Variants in SEC24B observed in about 807,000 individuals in gnomAD.
SEC24B encodes SEC24 homolog B, COPII component.
A neutral mutation model predicts 142.8 loss-of-function variants in SEC24B; 45 were observed. The observed-to-expected ratio is 0.32, with a 90% CI of 0.25 to 0.40. SEC24B has a LOEUF of 0.40. SEC24B is among the 10% of genes least tolerant of loss of function. The probability of loss-of-function intolerance (pLI) is 1.00; values close to 1 mark genes in which losing one functional copy is unlikely to be tolerated. For synonymous variants in SEC24B, 574 were observed against 568.2 expected, an observed-to-expected ratio of 1.01 and a Z score of -0.15; for missense variants, 1,409 against 1,526.8, an observed-to-expected ratio of 0.92 and a Z score of 1.29.
intron 7 of SEC24B, among the ~76,000 whole-genome samples, chr4:109,507,278 C>CTTT (rs34809833): frequency 7.2e-6 from 1 of 139,392 alleles, no homozygotes; most frequent in Admixed American, 7.2e-5. Flanking sequence ...CATTGTCTTC[C>CTTT]TTTTTTTTTT....
chr4:109,482,180 G>T (rs1310777608), intron 4 of SEC24B, among the ~76,000 whole-genome samples: 1 of 152,186 alleles, frequency 6.6e-6, no homozygotes, highest in Non-Finnish European at 1.5e-5. Flanking sequence ...AATAAGCCAT[G>T]TGGATTTTAT....
At chr4:109,524,671 A>G (rs1156566397) in intron 14 of SEC24B, 147 bp from the exon 15 acceptor site, 2 of 456,916 alleles carry the variant, frequency 4.4e-6, no homozygotes, top group Admixed American at 8.0e-5. Flanking sequence ...CATTATTATT[A>G]TCATAGGGAA....
chr4:109,490,807 A>T (rs1157710046), intron 4 of SEC24B, among the ~76,000 whole-genome samples: 1 of 152,150 alleles, frequency 6.6e-6, no homozygotes, highest in East Asian at 1.9e-4. Flanking sequence ...TTCTGCAGAT[A>T]TGTAAACTGA....
intron 18 of SEC24B, among the ~76,000 whole-genome samples, chr4:109,528,003 T>C (rs1193425112): frequency 1.3e-5 from 2 of 152,044 alleles, no homozygotes; most frequent in African/African-American, 4.8e-5. Context: ...ACTCATACAA[T>C]AGAATATAAT....
At chr4:109,501,268 A>T (rs1736113253) in intron 6 of SEC24B, among the ~76,000 whole-genome samples, 1 of 152,244 alleles carries the variant, frequency 6.6e-6, no homozygotes, top group Admixed American at 6.5e-5. Context: ...GCAATAGGCT[A>T]TATCATATAG....
At chr4:109,528,460 T>C (rs954008208) in intron 18 of SEC24B, among the ~76,000 whole-genome samples, 1 of 147,630 alleles carries the variant, frequency 6.8e-6, no homozygotes, top group Non-Finnish European at 1.5e-5. Flanking sequence ...TACATACAAA[T>C]GATTCTATAT....
chr4:109,532,686 A>C lies in SEC24B; in HGVS notation c.3438A>C (p.Gln1146His), dbSNP rs1725061833. The C allele has an allele frequency of 6.2e-7, 1 of 1,613,496 alleles. No individual in the cohort carries two copies. The highest frequency in any genetic ancestry group is 1.3e-5 in the African/African-American group (1 of 74,932). Residue 1146 changes from glutamine to histidine, a missense_variant, in exon 21 of 24, where the codon CAA (glutamine) becomes CAC (histidine). Physicochemically the swap from Gln to His is conservative, Grantham distance 24. Coordinates refer to ENST00000265175, the MANE Select transcript of SEC24B (RefSeq NM_006323.5). ...GGATTGTACCACAGCCACCTCTTCAAAAATTGTCTGCAGAGAAGCTGACAA... is the reference window on the plus strand; with the variant it reads ...GGATTGTACCACAGCCACCTCTTCACAAATTGTCTGCAGAGAAGCTGACAA... The part of the protein sequence containing the change: ...NDRIVPQPPL[Q>H]KLSAEKLTRE...
At chr4:109,443,036 GCT>G in intron 1 of SEC24B, among the ~76,000 whole-genome samples, 1 of 152,158 alleles carries the variant, frequency 6.6e-6, no homozygotes, top group Admixed American at 6.5e-5. Context: ...TCTTAAGTGA[GCT>G]CTCAGTACCA....
At chr4:109,504,342 A>C (rs1380913402) in intron 6 of SEC24B, among the ~76,000 whole-genome samples, 4 of 152,158 alleles carry the variant, frequency 2.6e-5, no homozygotes, top group Non-Finnish European at 4.4e-5. Context: ...TAAAACCCAA[A>C]TAATAGTTTA....
chr4:109,434,110 G>A (rs1728137998), intron 1 of SEC24B, 108 bp downstream of exon 1: 5 of 775,388 alleles, frequency 6.4e-6, no homozygotes, highest in Non-Finnish European at 6.3e-6. Flanking sequence ...TCGGGGCCAG[G>A]CCCGGCCCGA....
chr4:109,534,125 C>T (rs1348644482), intron 22 of SEC24B, among the ~76,000 whole-genome samples: 1 of 151,886 alleles, frequency 6.6e-6, no homozygotes, highest in Non-Finnish European at 1.5e-5. Flanking sequence ...TCACTATAGC[C>T]TCGACCTCCC....
intron 14 of SEC24B, 86 bp downstream of exon 14, chr4:109,521,712 A>C: frequency 4.8e-6 from 5 of 1,052,060 alleles, no homozygotes; most frequent in Non-Finnish European, 6.8e-6. Flanking sequence ...TACTGGCAAG[A>C]GAGTTGGGTT....
At chr4:109,480,382 T>G (rs975431702) in intron 3 of SEC24B, among the ~76,000 whole-genome samples, 11 of 152,208 alleles carry the variant, frequency 7.2e-5, no homozygotes, top group African/African-American at 2.7e-4. Context: ...CCACTATGTT[T>G]CTGGCTTTCT....
At chr4:109,459,857 A>G (rs1437015968) in intron 1 of SEC24B, among the ~76,000 whole-genome samples, 1 of 152,210 alleles carries the variant, frequency 6.6e-6, no homozygotes, top group East Asian at 1.9e-4. Context: ...CTTCATTGAT[A>G]AATTCTACTA....
intron 4 of SEC24B, among the ~76,000 whole-genome samples, chr4:109,486,084 AAG>A (rs977444699): frequency 6.6e-6 from 1 of 152,190 alleles, no homozygotes; most frequent in Non-Finnish European, 1.5e-5. Context: ...AGATAGAGGG[AAG>A]AGAGAACACG....
rs1402505233 is a variant in SEC24B at position 109,434,021 on chromosome 4, G to T, written c.133+19G>T. ...CAGAACGGTGAGGCGGGCGGCCCGG[G>T]CGGAGCGCGGGGCCTAGCACCGGCT... On this transcript the variant is annotated intron_variant, in intron 1 of 23. Transcript: ENST00000265175. The T allele has an allele frequency of 7.2e-6, 8 of 1,118,130 alleles. No individual in the cohort carries two copies. The highest frequency in any genetic ancestry group is 8.7e-6 in the Non-Finnish European group (8 of 916,844). The allele number at this position is 1,118,130 out of a possible 1,614,324, so 69.3% of individuals were successfully genotyped here.
At chr4:109,438,206 G>A (rs1350671307) in intron 1 of SEC24B, among the ~76,000 whole-genome samples, 1 of 152,204 alleles carries the variant, frequency 6.6e-6, no homozygotes, top group African/African-American at 2.4e-5. Context: ...GCCTAGAACA[G>A]TATAGGCAAG....
chr4:109,534,817 G>T (rs921342707), intron 22 of SEC24B, among the ~76,000 whole-genome samples: 1 of 152,134 alleles, frequency 6.6e-6, no homozygotes, highest in African/African-American at 2.4e-5. Flanking sequence ...TGGGACCACA[G>T]GAGTATGCCA....
At chr4:109,516,473 T>C (rs1310760294) in intron 10 of SEC24B, 55 bp from the exon 11 acceptor site, 2 of 1,036,266 alleles carry the variant, frequency 1.9e-6, no homozygotes, top group South Asian at 3.1e-5. Flanking sequence ...TAGTAATATA[T>C]AAAAAGAATA....
Sources: gnomAD v4.1 joint callset for allele counts (sites outside exome capture counted in the v4.1 genomes callset) on GRCh38, gnomAD v4.1.1 for gene constraint, MANE v1.5 for transcripts, NCBI Gene and HGNC (gene_info 2026-07-23, HGNC 2026-07-21) for gene names.